Variants in MEOX1 observed in about 807,000 individuals in gnomAD.
MEOX1 encodes homeobox protein MOX-1.
In MEOX1, 17 loss-of-function variants were observed where a neutral mutation model predicts 23.2. That is an observed-to-expected ratio of 0.73 (90% CI 0.50 to 1.10). The LOEUF (loss-of-function observed/expected upper bound fraction) is 1.10, where lower values mean the gene tolerates loss of function less well. Ranked by LOEUF, MEOX1 falls within the 50% of genes least tolerant of loss-of-function variation. MEOX1 has a pLI of 0.00. For synonymous variants in MEOX1, 134 were observed against 135.1 expected (o/e 0.99, Z 0.06); for missense variants, 333 against 332.2 (o/e 1.00, Z -0.02).
At chr17:43,654,769 C>G (rs985310781) in intron 1 of MEOX1, among the ~76,000 whole-genome samples, 24 of 151,804 alleles carry the variant, frequency 1.6e-4, no homozygotes, top group Non-Finnish European at 2.8e-4. Context: ...AATACACTCT[C>G]CAGCCGGGTG....
chr17:43,656,799 A>G lies in MEOX1; in HGVS notation c.469+4267T>C, dbSNP rs115493350. ...CCCATAAATTAAAGACAACCACAGT[A>G]GCAAGGACAGTTTGGGGGAAAACAA... On this transcript the variant is annotated intron_variant, in intron 1 of 2. Coordinates refer to ENST00000318579, the MANE Select transcript of MEOX1 (RefSeq NM_004527.4). Among the ~76,000 whole-genome samples the G allele has an allele frequency of 6.0e-3, 916 of 152,256 alleles. 8 individuals carry two copies. The highest frequency in any genetic ancestry group is 0.02 in the African/African-American group (842 of 41,528).
intron 1 of MEOX1, among the ~76,000 whole-genome samples, chr17:43,657,266 A>T (rs1471574462): frequency 1.4e-5 from 2 of 144,070 alleles, no homozygotes; most frequent in Admixed American, 1.4e-4. Flanking sequence ...TCCACCTCCC[A>T]AGTTCAAGCT....
intron 1 of MEOX1, among the ~76,000 whole-genome samples, chr17:43,656,652 G>A (rs563195429): frequency 6.6e-6 from 1 of 152,278 alleles, no homozygotes; most frequent in African/African-American, 2.4e-5. Flanking sequence ...GCAGGAGGGA[G>A]CAGTGCTGAG....
chr17:43,653,613 G>A (rs561396475), intron 1 of MEOX1, among the ~76,000 whole-genome samples: 8 of 150,486 alleles, frequency 5.3e-5, no homozygotes, highest in South Asian at 2.1e-4. Context: ...AGGTTCAAGC[G>A]ATTCTCCTGC....
intron 1 of MEOX1, among the ~76,000 whole-genome samples, chr17:43,660,168 G>A (rs1178282107): frequency 6.6e-6 from 1 of 152,232 alleles, no homozygotes; most frequent in African/African-American, 2.4e-5. Context: ...CAGACAAAAG[G>A]TGGACAGGTA....
chr17:43,651,357 C>T (rs374835220), intron 1 of MEOX1, among the ~76,000 whole-genome samples: 1 of 152,014 alleles, frequency 6.6e-6, no homozygotes, highest in Non-Finnish European at 1.5e-5. Context: ...TGCTGAGAGT[C>T]CCAGGCGGGG....
At chr17:43,643,391 GAAGA>G in intron 2 of MEOX1, 93 bp downstream of exon 2, 2 of 1,160,686 alleles carry the variant, frequency 1.7e-6, no homozygotes, top group Non-Finnish European at 1.2e-6. Flanking sequence ...CTGGCTGGAG[GAAGA>G]AAAAGGAGAA....
chr17:43,642,188 C>A (rs917417607), intron 2 of MEOX1, among the ~76,000 whole-genome samples, 156 bp from the exon 3 acceptor site: 5 of 152,186 alleles, frequency 3.3e-5, no homozygotes, highest in African/African-American at 1.2e-4. Context: ...GGAACTAGGA[C>A]CGAAGAGAGG....
Position 43,661,798 on chromosome 17 carries a change from C to CT in MEOX1, c.-265dup, listed in dbSNP as rs1973151387. 2.6e-6 allele frequency: 1 copy of CT among 385,944 alleles called. No homozygotes were observed. Among genetic ancestry groups the CT allele is most frequent in the Admixed American group, 4.4e-5 (1 of 22,640 alleles). The allele number at this position is 385,944 out of a possible 1,614,324, so 23.9% of individuals were successfully genotyped here. A position where few individuals can be genotyped will look rare whatever the true frequency, so the allele number is the denominator to read the frequency against. ...CTGCCCCTCCAATGCACCAGCCTAC[C>CT]TACTGGGATCCCCTGTATGTGTATT... On this transcript the variant is annotated 5_prime_UTR_variant, in exon 1 of 3. The change abolishes the stop of an existing upstream ORF in the 5' untranslated region. Transcript: ENST00000318579.
Position 43,643,533 on chromosome 17 carries a change from G to A in MEOX1, c.597C>T (p.Leu199=), listed in dbSNP as rs981653946. ...EFAHHNYLTR[L]RRYEIAVNLD... Reference sequence around the variant, plus strand: ...GGTTTACCGCAATCTCATATCTGCGGAGCCGAGTCAGGTAGTTATGATGGG... The same window carrying A: ...GGTTTACCGCAATCTCATATCTGCGAAGCCGAGTCAGGTAGTTATGATGGG... The change falls in exon 2 of 3, where the codon CTC becomes CTT. Residue 199 remains leucine, a synonymous_variant. Transcript: ENST00000318579. The A allele has an allele frequency of 3.7e-6, 6 of 1,608,084 alleles. No individual in the cohort carries two copies. Among genetic ancestry groups the A allele is most frequent in the Admixed American group, 3.4e-5 (2 of 58,984 alleles).
At chr17:43,648,947 C>T (rs1218385742) in intron 1 of MEOX1, among the ~76,000 whole-genome samples, 2 of 152,096 alleles carry the variant, frequency 1.3e-5, no homozygotes, top group Admixed American at 1.3e-4. Context: ...GAACCTGGGC[C>T]TTAGCACTCA....
At chr17:43,660,456 C>T (rs886134158) in intron 1 of MEOX1, among the ~76,000 whole-genome samples, 4 of 152,178 alleles carry the variant, frequency 2.6e-5, no homozygotes, top group Admixed American at 6.5e-5. Context: ...GGCCCAGCTC[C>T]GCAGGGTGAT....
At chr17:43,644,331 GC>G (rs1464118981) in intron 1 of MEOX1, among the ~76,000 whole-genome samples, 1 of 152,222 alleles carries the variant, frequency 6.6e-6, no homozygotes, top group Non-Finnish European at 1.5e-5. Context: ...GCCCCAGAGG[GC>G]CAAGTCTGGA....
chr17:43,661,609 T>C lies in MEOX1; in HGVS notation c.-75A>G. 1 of 895,472 alleles carries C rather than the reference T, an allele frequency of 1.1e-6. No homozygotes were observed. The allele number at this position is 895,472 out of a possible 1,614,324, so 55.5% of individuals were successfully genotyped here. On this transcript the variant is annotated 5_prime_UTR_variant, in exon 1 of 3. Coordinates refer to ENST00000318579, the MANE Select transcript of MEOX1 (RefSeq NM_004527.4). ...CTTTTTATGTTCAAATTTTTAAAAA[T>C]GCAAAAGAAAAAAAACTAAATAGGA...
Position 43,661,853 on chromosome 17 carries a change from G to A in MEOX1, c.-319C>T, listed in dbSNP as rs1398420850. ...GCCAATGACACTAAACATTTTCACT[G>A]TCCCAACCCAGACGCACCAGCTGAC... On this transcript the variant is annotated 5_prime_UTR_variant, in exon 1 of 3. Coordinates refer to ENST00000318579, the MANE Select transcript of MEOX1 (RefSeq NM_004527.4). The A allele has an allele frequency of 3.9e-6, 1 of 255,984 alleles. No homozygotes were observed. The highest frequency in any genetic ancestry group is 7.3e-6 in the Non-Finnish European group (1 of 136,768). 15.9% of individuals were successfully genotyped at this position (255,984 alleles called of 1,614,324 possible).
intron 1 of MEOX1, among the ~76,000 whole-genome samples, chr17:43,655,869 G>T (rs1029392159): frequency 6.6e-6 from 1 of 152,046 alleles, no homozygotes; most frequent in African/African-American, 2.4e-5. Flanking sequence ...AGGGAAAAAA[G>T]GTCGTTGTTT....
chr17:43,656,748 A>G (rs1057198488), intron 1 of MEOX1, among the ~76,000 whole-genome samples: 9 of 152,174 alleles, frequency 5.9e-5, no homozygotes, highest in African/African-American at 2.2e-4. Flanking sequence ...GAACCCCATG[A>G]GGAAACCACC....
Position 43,661,531 on chromosome 17 carries a change from C to T in MEOX1, c.4G>A (p.Asp2Asn), listed in dbSNP as rs192544910. The T allele has an allele frequency of 2.6e-6, 4 of 1,554,212 alleles. No individual in the cohort carries two copies. In the African/African-American group the frequency reaches 5.5e-5, roughly 21 times the overall value. ...CTCATGCAGCTGCTGGCCGCGGGATCCATCTGCTGTCCGCTGCACGCCTCG... is the reference window on the plus strand; with the variant it reads ...CTCATGCAGCTGCTGGCCGCGGGATTCATCTGCTGTCCGCTGCACGCCTCG... MDPAASSCMRSL... is the reference protein window; with the variant it reads MNPAASSCMRSL... The change falls in exon 1 of 3, where the codon GAT becomes AAT. Residue 2 changes from aspartate to asparagine, a missense_variant. Asp to Asn is a conservative substitution (Grantham distance 23). Transcript: ENST00000318579.
At chr17:43,659,651 C>T (rs971692094) in intron 1 of MEOX1, among the ~76,000 whole-genome samples, 8 of 152,280 alleles carry the variant, frequency 5.3e-5, no homozygotes, top group Admixed American at 1.3e-4. Context: ...ATGAGCTGCT[C>T]ACTCTAGTTT....
Sources: gnomAD v4.1 joint callset for allele counts (sites outside exome capture counted in the v4.1 genomes callset) on GRCh38, gnomAD v4.1.1 for gene constraint, MANE v1.5 for transcripts, NCBI Gene and HGNC (gene_info 2026-07-23, HGNC 2026-07-21) for gene names.